PIGK: variants seen among roughly 807,000 people sequenced by gnomAD.
The protein encoded by PIGK is phosphatidylinositol glycan anchor biosynthesis class K, also known as GPI-anchor transamidase.
Under a neutral mutation model 50.6 loss-of-function variants are expected in PIGK, and 42 were observed. That is an observed-to-expected ratio of 0.83 (90% CI 0.65 to 1.07). The LOEUF (loss-of-function observed/expected upper bound fraction) is 1.07. Ranked by LOEUF, PIGK falls within the 50% of genes least tolerant of loss-of-function variation. The pLI is 0.00. For synonymous variants in PIGK, 151 were observed against 156.0 expected (o/e 0.97, Z 0.24); for missense variants, 448 against 488.7 (o/e 0.92, Z 0.78).
chr1:77,096,042 A>G (rs1653398193), intron 10 of PIGK, among the ~76,000 whole-genome samples: 1 of 152,158 alleles, frequency 6.6e-6, no homozygotes, highest in Non-Finnish European at 1.5e-5. Context: ...ATAAGGAACC[A>G]AAAATTAATT....
chr1:77,186,472 G>A (rs999609305), intron 3 of PIGK, among the ~76,000 whole-genome samples: 3 of 152,222 alleles, frequency 2.0e-5, no homozygotes, highest in Admixed American at 1.3e-4. Context: ...GATGGTCAGG[G>A]ACTTGGAAGA....
intron 3 of PIGK, among the ~76,000 whole-genome samples, chr1:77,172,940 A>G (rs1342693978): frequency 6.6e-6 from 1 of 152,032 alleles, no homozygotes; most frequent in Non-Finnish European, 1.5e-5. Flanking sequence ...AAATAATAAT[A>G]ATAATAAATT....
Position 77,091,133 on chromosome 1 carries a change from A to T in PIGK, c.*1241T>A, listed in dbSNP as rs1157832487. On this transcript the variant is annotated 3_prime_UTR_variant, in exon 11 of 11. Transcript: ENST00000370812. The stretch of plus-strand genomic sequence containing the variant: ...GATGAACACATAAATTCTTGCATAA[A>T]ACAGATAAGACACCTGAAGGTATCC... The T allele has an allele frequency of 6.6e-6, 1 of 152,236 alleles. No homozygotes were observed. The highest frequency in any genetic ancestry group is 1.5e-5 in the Non-Finnish European group (1 of 68,034). 9.4% of individuals were successfully genotyped at this position (152,236 alleles called of 1,614,324 possible). A position where few individuals can be genotyped will look rare whatever the true frequency, so the allele number is the denominator to read the frequency against.
chr1:77,195,536 G>A lies in PIGK; in HGVS notation c.239+11104C>T, dbSNP rs188439825. On this transcript the variant is annotated intron_variant, in intron 3 of 10. Transcript: ENST00000370812. ...GGAAATTCAAGAATAAGGCCTTACAGAGATTACAACTCAAAAGTAGTTCTA... is the reference window on the plus strand; with the variant it reads ...GGAAATTCAAGAATAAGGCCTTACAAAGATTACAACTCAAAAGTAGTTCTA... 7 of 468,710 alleles carry A rather than the reference G, an allele frequency of 1.5e-5. No homozygotes were observed. The South Asian group carries it at 2.0e-4, about 14-fold the overall frequency. The allele number at this position is 468,710 out of a possible 1,614,324, so 29.0% of individuals were successfully genotyped here.
At chr1:77,200,273 A>G (rs950720440) in intron 3 of PIGK, among the ~76,000 whole-genome samples, 7 of 152,286 alleles carry the variant, frequency 4.6e-5, no homozygotes, top group Admixed American at 1.3e-4. Flanking sequence ...ATTGAAGTAC[A>G]TGAATACTGA....
intron 2 of PIGK, among the ~76,000 whole-genome samples, chr1:77,208,925 C>T (rs1004205899): frequency 2.6e-5 from 4 of 152,086 alleles, no homozygotes; most frequent in Non-Finnish European, 4.4e-5. Context: ...CTTCATTTGG[C>T]GTCAGTAAGT....
chr1:77,132,466 C>T (rs1479718168), intron 9 of PIGK, among the ~76,000 whole-genome samples: 1 of 151,992 alleles, frequency 6.6e-6, no homozygotes, highest in African/African-American at 2.4e-5. Context: ...TTCAACATTA[C>T]CATTTCTTCA....
At chr1:77,192,134 CA>C (rs563797637) in intron 3 of PIGK, among the ~76,000 whole-genome samples, 216 of 133,968 alleles carry the variant, frequency 1.6e-3, no homozygotes, top group Middle Eastern at 3.8e-3. Flanking sequence ...GACCCTGTCT[CA>C]AAAAAAAAAA....
Position 77,154,587 on chromosome 1 carries a change from G to C in PIGK, c.848C>G (p.Thr283Ser). ...QVCPKSLCVS[T>S]PGHRTDLFQR... is the part of the protein sequence containing the mutation. ...AAAAAGATCAGTGCGATGTCCAGGA[G>C]TAGACACACACAGACTTTTGGGACA... Residue 283 changes from threonine (T) to serine (S), a missense_variant, in exon 9 of 11, where the codon ACT becomes AGT. Transcript: ENST00000370812. The C allele has an allele frequency of 1.2e-6, 2 of 1,612,688 alleles. No homozygotes were observed. The highest frequency in any genetic ancestry group is 1.1e-5 in the South Asian group (1 of 91,000).
chr1:77,137,020 A>C (rs34667818), intron 9 of PIGK, among the ~76,000 whole-genome samples: 17,195 of 152,226 alleles, frequency 0.11, 1,319 homozygotes, highest in African/African-American at 0.21. Flanking sequence ...TTCTAAGAAA[A>C]GATACAGTCT....
At chr1:77,176,799 T>C (rs1342353964) in intron 3 of PIGK, among the ~76,000 whole-genome samples, 3 of 152,184 alleles carry the variant, frequency 2.0e-5, no homozygotes, top group Admixed American at 1.3e-4. Context: ...ATGTCAAGCA[T>C]GGACTCTTGG....
At position 77,092,118 on chromosome 1, in the gene PIGK, G is replaced by T. The variant is rs577895716; in HGVS notation, c.*256C>A. On this transcript the variant is annotated 3_prime_UTR_variant, in exon 11 of 11. Coordinates refer to ENST00000370812, the MANE Select transcript of PIGK (RefSeq NM_005482.3). ...GGGGAAATTACTATTTTCAAAAACA[G>T]TCAATGTATTCTGATCTCTGTCTCA... The T allele has an allele frequency of 9.8e-6, 2 of 203,932 alleles. No individual in the cohort carries two copies. Among genetic ancestry groups the T allele is most frequent in the South Asian group, 3.2e-4 (2 of 6,318 alleles). 12.6% of individuals were successfully genotyped at this position (203,932 alleles called of 1,614,324 possible).
At chr1:77,116,236 A>T (rs893657847) in intron 10 of PIGK, among the ~76,000 whole-genome samples, 13 of 151,166 alleles carry the variant, frequency 8.6e-5, no homozygotes, top group East Asian at 2.0e-4. Flanking sequence ...CAGGCTGGAG[A>T]GCAGTGGCAC....
At chr1:77,178,995 TG>T (rs1261880536) in intron 3 of PIGK, among the ~76,000 whole-genome samples, 1 of 152,200 alleles carries the variant, frequency 6.6e-6, no homozygotes, top group Non-Finnish European at 1.5e-5. Flanking sequence ...GGGTGGCCAC[TG>T]TTTTGGACTG....
At position 77,129,279 on chromosome 1, in the gene PIGK, C is replaced by T. The variant is rs543777139; in HGVS notation, c.987-6920G>A. ...TCTGAAAGATGTCACTTTACAGAAA[C>T]AGTGTGTACCATTCCGACGTTACAA... On this transcript the variant is annotated intron_variant, in intron 9 of 10. Coordinates refer to ENST00000370812, the MANE Select transcript of PIGK (RefSeq NM_005482.3). 4.4e-6 allele frequency: 7 copies of T among 1,607,280 alleles called. No homozygotes were observed. In the African/African-American group the frequency reaches 8.0e-5, roughly 18 times the overall value.
rs756869025 is a variant in PIGK at position 77,110,713 on chromosome 1, G to A, written c.1071+11562C>T. 1.2e-3 allele frequency among the ~76,000 whole-genome samples: 185 copies of A among 152,252 alleles called. 1 individual carries two copies. The highest frequency in any genetic ancestry group is 2.1e-3 in the Non-Finnish European group (142 of 68,026). ...ACATAGGCATGGGCAAGGACTTCAC[G>A]ACTAAAACACCAAAAGCAATGGCAA... On this transcript the variant is annotated intron_variant, in intron 10 of 10. Transcript: ENST00000370812.
intron 3 of PIGK, among the ~76,000 whole-genome samples, chr1:77,193,945 AG>A (rs755689847): frequency 6.6e-5 from 10 of 152,226 alleles, no homozygotes; most frequent in Non-Finnish European, 1.0e-4. Flanking sequence ...CATCTAACAA[AG>A]GTCTAATATC....
chr1:77,191,687 G>A (rs539263689), intron 3 of PIGK, among the ~76,000 whole-genome samples: 1 of 152,330 alleles, frequency 6.6e-6, no homozygotes, highest in Admixed American at 6.5e-5. Flanking sequence ...GAACTCAGAT[G>A]TCTATTTTTC....
chr1:77,122,726 T>C (rs942591357), intron 9 of PIGK, among the ~76,000 whole-genome samples: 28 of 152,144 alleles, frequency 1.8e-4, no homozygotes, highest in African/African-American at 6.3e-4. Flanking sequence ...CCAGCAACCC[T>C]TTCTCTATTT....
Sources: allele counts gnomAD v4.1 joint callset (sites outside exome capture counted in the v4.1 genomes callset), GRCh38; gene constraint gnomAD v4.1.1; transcripts MANE v1.5; gene names NCBI Gene and HGNC (gene_info 2026-07-23, HGNC 2026-07-21).